Variants in CLSTN2 observed in about 807,000 individuals in gnomAD.
The protein encoded by CLSTN2 is calsyntenin-2.
In CLSTN2, 48 loss-of-function variants were observed where a neutral mutation model predicts 101.2. That is an observed-to-expected ratio of 0.47 (90% CI 0.38 to 0.60). The LOEUF is 0.60. Among genes scored for constraint, CLSTN2 ranks in the 20% least tolerant of loss-of-function variants. The probability of loss-of-function intolerance (pLI) is 0.00; values close to 1 mark genes in which losing one functional copy is unlikely to be tolerated. For synonymous variants in CLSTN2, 481 were observed against 463.6 expected, an observed-to-expected ratio of 1.04 and a Z score of -0.48; for missense variants, 1,160 against 1,238.2, an observed-to-expected ratio of 0.94 and a Z score of 0.95.
intron 8 of CLSTN2, among the ~76,000 whole-genome samples, chr3:140,500,321 A>C (rs1173941705): frequency 6.6e-6 from 1 of 152,162 alleles, no homozygotes; most frequent in Non-Finnish European, 1.5e-5. Flanking sequence ...ATATCTGGGT[A>C]ATATATAGGA....
chr3:140,429,447 G>C (rs747215755), intron 5 of CLSTN2, among the ~76,000 whole-genome samples: 4 of 152,248 alleles, frequency 2.6e-5, no homozygotes, highest in African/African-American at 9.6e-5. Context: ...CAGAGAGGAG[G>C]GGGTATTCCA....
intron 8 of CLSTN2, among the ~76,000 whole-genome samples, chr3:140,528,191 T>C (rs980056920): frequency 6.6e-6 from 1 of 152,210 alleles, no homozygotes; most frequent in Non-Finnish European, 1.5e-5. Context: ...TAAGGAGGAA[T>C]AGGAAAAGCT....
Position 140,054,744 on chromosome 3 carries a change from C to G in CLSTN2, c.109+119261C>G, listed in dbSNP as rs960762005. ...CATAGACAAATTCATTAGAGGAGGT[C>G]AACCAGAGTCTGTTGACTACTGTTA... On this transcript the variant is annotated intron_variant, in intron 1 of 16. Coordinates refer to ENST00000458420, the MANE Select transcript of CLSTN2 (RefSeq NM_022131.3). 2.0e-5 allele frequency among the ~76,000 whole-genome samples: 3 copies of G among 152,176 alleles called. No individual in the cohort carries two copies. The South Asian group carries it at 6.2e-4, about 32-fold the overall frequency.
chr3:139,976,851 C>T (rs937061134), intron 1 of CLSTN2, among the ~76,000 whole-genome samples: 7 of 152,132 alleles, frequency 4.6e-5, no homozygotes, highest in Non-Finnish European at 5.9e-5. Flanking sequence ...CATGTGCACA[C>T]ATGTGTGTTG....
At chr3:140,565,700 C>T (rs1254434170) in intron 16 of CLSTN2, among the ~76,000 whole-genome samples, 12 of 152,200 alleles carry the variant, frequency 7.9e-5, no homozygotes, top group Admixed American at 7.9e-4. Context: ...GCTTGGACAG[C>T]TCCATTTAAA....
rs779867962 is a variant in CLSTN2, at chr3:140,570,450, T to C, written c.*4197T>C. The C allele has an allele frequency of 1.3e-5, 2 of 152,180 alleles. No individual in the cohort carries two copies. Among genetic ancestry groups the C allele is most frequent in the Non-Finnish European group, 2.9e-5 (2 of 68,028 alleles). The allele number at this position is 152,180 out of a possible 1,614,324, so 9.4% of individuals were successfully genotyped here. A position where few individuals can be genotyped will look rare whatever the true frequency, so the allele number is the denominator to read the frequency against. On this transcript the variant is annotated 3_prime_UTR_variant, in exon 17 of 17. Transcript: ENST00000458420. Reference sequence around the variant, plus strand: ...AAGTTGTGCATAGGCTATATGCAAATACTATGCATTTTATATAAAGGAATT... The same window carrying C: ...AAGTTGTGCATAGGCTATATGCAAACACTATGCATTTTATATAAAGGAATT...
chr3:140,172,722 A>G (rs2010258860), intron 1 of CLSTN2, among the ~76,000 whole-genome samples: 5 of 152,196 alleles, frequency 3.3e-5, no homozygotes, highest in Admixed American at 3.3e-4. Context: ...GGCAAGGAAG[A>G]TCAAGTCCCA....
intron 8 of CLSTN2, among the ~76,000 whole-genome samples, chr3:140,488,396 T>A (rs1934279711): frequency 6.6e-6 from 1 of 152,162 alleles, no homozygotes; most frequent in Admixed American, 6.5e-5. Flanking sequence ...TGAGCCTTAG[T>A]ATCCTCATTT....
chr3:140,484,362 G>A (rs1254052305), intron 8 of CLSTN2, among the ~76,000 whole-genome samples: 1 of 152,096 alleles, frequency 6.6e-6, no homozygotes, highest in Non-Finnish European at 1.5e-5. Flanking sequence ...TCCCTTTGTG[G>A]GTAACCCGAC....
Position 140,319,373 on chromosome 3 carries a change from G to T in CLSTN2, c.233-84256G>T, listed in dbSNP as rs571440499. ...TAAAGTGGCTGCCAGTGGTACTTGG[G>T]TCTGCGTGCCTCTTTGTTCTTGCCC... On this transcript the variant is annotated intron_variant, in intron 2 of 16. Coordinates refer to ENST00000458420, the MANE Select transcript of CLSTN2 (RefSeq NM_022131.3). Among the ~76,000 whole-genome samples, 6 of 152,270 alleles carry T rather than the reference G, an allele frequency of 3.9e-5. No homozygotes were observed. In the South Asian group the frequency reaches 8.3e-4, roughly 21 times the overall value.
At chr3:140,242,056 C>T (rs977581582) in intron 2 of CLSTN2, among the ~76,000 whole-genome samples, 7 of 151,712 alleles carry the variant, frequency 4.6e-5, no homozygotes, top group Middle Eastern at 3.2e-3. Context: ...TAGAGGCGCC[C>T]GCCACCATGC....
intron 7 of CLSTN2, chr3:140,460,858 TAGA>T (rs1933547284): frequency 6.6e-6 from 1 of 152,172 alleles, no homozygotes; most frequent in Non-Finnish European, 1.5e-5. Context: ...AAAGACAATA[TAGA>T]AGAAGGGCTG....
At chr3:140,054,293 C>G (rs140031363) in intron 1 of CLSTN2, among the ~76,000 whole-genome samples, 2 of 152,124 alleles carry the variant, frequency 1.3e-5, no homozygotes, top group Non-Finnish European at 2.9e-5. Flanking sequence ...TTTTAAGATG[C>G]GTTTGCTTAA....
intron 1 of CLSTN2, among the ~76,000 whole-genome samples, chr3:140,106,698 G>A (rs944242612): frequency 6.6e-6 from 1 of 152,188 alleles, no homozygotes; most frequent in African/African-American, 2.4e-5. Flanking sequence ...CAAGGACCCT[G>A]TTATTTAAAC....
chr3:140,507,929 A>C (rs981887690), intron 8 of CLSTN2: 1 of 152,166 alleles, frequency 6.6e-6, no homozygotes, highest in Non-Finnish European at 1.5e-5. Context: ...AAGTTTAAGA[A>C]ACTTGCCCCA....
intron 1 of CLSTN2, among the ~76,000 whole-genome samples, chr3:140,005,269 G>A (rs9875299): frequency 0.35 from 53,589 of 152,070 alleles, 11,301 homozygotes; most frequent in Non-Finnish European, 0.48. Context: ...AGCCACATCC[G>A]TGGGTGGATT....
Position 140,021,003 on chromosome 3 carries a change from C to A in CLSTN2, c.109+85520C>A, listed in dbSNP as rs552872853. On this transcript the variant is annotated intron_variant, in intron 1 of 16. Transcript: ENST00000458420. ...AAACTTGTGTGCTCCCTTCTCCACC[C>A]AGCACTCATTTTAACCTTTTATTTA... is the stretch of plus-strand genomic sequence containing the variant. Among the ~76,000 whole-genome samples, 26 of 152,322 alleles carry A rather than the reference C, an allele frequency of 1.7e-4. No homozygotes were observed. The South Asian group carries it at 5.4e-3, about 32-fold the overall frequency.
intron 2 of CLSTN2, among the ~76,000 whole-genome samples, chr3:140,234,658 G>A (rs571057648): frequency 5.3e-5 from 8 of 152,148 alleles, no homozygotes; most frequent in African/African-American, 1.7e-4. Context: ...GCTTGCTTTC[G>A]TTCATGCTAT....
chr3:139,953,685 G>T (rs1397241297), intron 1 of CLSTN2, among the ~76,000 whole-genome samples: 3 of 152,150 alleles, frequency 2.0e-5, no homozygotes, highest in Non-Finnish European at 4.4e-5. Context: ...GATGACTGAG[G>T]TATTTTACCC....
Sources: gnomAD v4.1 joint callset for allele counts (sites outside exome capture counted in the v4.1 genomes callset) on GRCh38, gnomAD v4.1.1 for gene constraint, MANE v1.5 for transcripts, NCBI Gene and HGNC (gene_info 2026-07-23, HGNC 2026-07-21) for gene names.